The following AKAP6 variants were observed in gnomAD, a reference collection of about 807,000 sequenced individuals.
AKAP6 encodes A-kinase anchor protein 6.
AKAP6 carries 58 observed loss-of-function variants against 188.5 expected under a neutral mutation model. That is an observed-to-expected ratio of 0.31 (90% CI 0.25 to 0.38). AKAP6 has a LOEUF of 0.38. Ranked by LOEUF, AKAP6 falls within the 10% of genes least tolerant of loss-of-function variation. The pLI, the probability that AKAP6 is intolerant of heterozygous loss-of-function variation, is 1.00. For missense variants in AKAP6, 2,710 were observed against 2,740.0 expected (o/e 0.99, Z 0.24); for synonymous variants, 989 against 998.6 (o/e 0.99, Z 0.18).
At chr14:32,640,919 G>A (rs1027750668) in intron 7 of AKAP6, among the ~76,000 whole-genome samples, 3 of 152,146 alleles carry the variant, frequency 2.0e-5, no homozygotes, top group Non-Finnish European at 2.9e-5. Flanking sequence ...AAATACATAA[G>A]TGAGGAATCA....
chr14:32,695,357 A>G (rs1166063459), intron 8 of AKAP6, among the ~76,000 whole-genome samples: 1 of 152,166 alleles, frequency 6.6e-6, no homozygotes, highest in Non-Finnish European at 1.5e-5. Context: ...TAAATGTAGG[A>G]TATATGTTTG....
intron 2 of AKAP6, among the ~76,000 whole-genome samples, chr14:32,529,373 T>C (rs562838558): frequency 1.2e-4 from 18 of 152,298 alleles, no homozygotes; most frequent in African/African-American, 3.8e-4. Flanking sequence ...ACTTTTTTTT[T>C]CCATCCTGTC....
At chr14:32,474,647 G>C (rs1460188870) in intron 2 of AKAP6, 1 of 152,358 alleles carries the variant, frequency 6.6e-6, no homozygotes, top group Non-Finnish European at 1.5e-5. Flanking sequence ...AATAGGGATT[G>C]AATCTTGCAG....
At chr14:32,784,618 A>G (rs2033348074) in intron 12 of AKAP6, among the ~76,000 whole-genome samples, 1 of 152,182 alleles carries the variant, frequency 6.6e-6, no homozygotes, top group Non-Finnish European at 1.5e-5. Flanking sequence ...CTGTTGTATT[A>G]CTTGCTAACA....
At chr14:32,629,657 G>C (rs1261138619) in intron 7 of AKAP6, among the ~76,000 whole-genome samples, 1 of 148,750 alleles carries the variant, frequency 6.7e-6, no homozygotes, top group Non-Finnish European at 1.5e-5. Context: ...AAGTTCAAGT[G>C]AAGCTAATTG....
At chr14:32,745,505 C>G (rs950617752) in intron 11 of AKAP6, among the ~76,000 whole-genome samples, 187 of 147,658 alleles carry the variant, frequency 1.3e-3, no homozygotes, top group African/African-American at 4.5e-3. Flanking sequence ...CTGTCTCTCT[C>G]TCTCTCTCTC....
At chr14:32,574,006 G>C (rs1403354609) in intron 4 of AKAP6, among the ~76,000 whole-genome samples, 2 of 152,132 alleles carry the variant, frequency 1.3e-5, no homozygotes, top group Non-Finnish European at 2.9e-5. Context: ...TGGAAAAATA[G>C]CATGTGATAA....
At chr14:32,330,131 TCTC>T (rs772316531) in intron 1 of AKAP6, among the ~76,000 whole-genome samples, 11 of 152,016 alleles carry the variant, frequency 7.2e-5, no homozygotes, top group Non-Finnish European at 1.5e-4. Context: ...AAGGAACAAG[TCTC>T]CTCTCTGCGG....
chr14:32,423,842 C>G (rs1889939817), intron 1 of AKAP6, among the ~76,000 whole-genome samples: 1 of 151,948 alleles, frequency 6.6e-6, no homozygotes, highest in Non-Finnish European at 1.5e-5. Flanking sequence ...ATGAAATGAT[C>G]CTTAAAATTT....
chr14:32,353,844 A>AAT (rs781387266), intron 1 of AKAP6, among the ~76,000 whole-genome samples: 146 of 152,214 alleles, frequency 9.6e-4, no homozygotes, highest in Non-Finnish European at 9.4e-4. Context: ...ATCATGAGTG[A>AAT]ATTCCCATTC....
At chr14:32,590,527 A>G (rs889950637) in intron 5 of AKAP6, among the ~76,000 whole-genome samples, 1 of 152,180 alleles carries the variant, frequency 6.6e-6, no homozygotes, top group African/African-American at 2.4e-5. Context: ...CAGTGTTAGA[A>G]TCACTGTGGG....
At position 32,469,828 on chromosome 14, in the gene AKAP6, T is replaced by G. The variant is rs1281488619; in HGVS notation, c.324+36011T>G. Among the ~76,000 whole-genome samples the G allele has an allele frequency of 2.6e-5, 4 of 152,104 alleles. No individual in the cohort carries two copies. The East Asian group carries it at 5.8e-4, about 22-fold the overall frequency. On this transcript the variant is annotated intron_variant, in intron 2 of 13. Coordinates refer to ENST00000280979, the MANE Select transcript of AKAP6 (RefSeq NM_004274.5). ...TTATGTCTGTTTCCAAAATGAAAGA[T>G]TATGCCTTCAGTTACCTAAAGATCA...
chr14:32,593,486 C>G (rs1372812078), intron 5 of AKAP6, among the ~76,000 whole-genome samples: 3 of 152,084 alleles, frequency 2.0e-5, no homozygotes, highest in Non-Finnish European at 4.4e-5. Context: ...AAGAGACTTC[C>G]CTTGAGGTGG....
intron 1 of AKAP6, among the ~76,000 whole-genome samples, chr14:32,368,860 T>C (rs974582988): frequency 6.7e-6 from 1 of 149,340 alleles, no homozygotes; most frequent in Non-Finnish European, 1.5e-5. Context: ...ACTTATAGTT[T>C]AGTGGATATT....
At chr14:32,419,799 G>T (rs1027816167) in intron 1 of AKAP6, among the ~76,000 whole-genome samples, 2 of 151,732 alleles carry the variant, frequency 1.3e-5, no homozygotes, top group African/African-American at 4.8e-5. Context: ...TTTAGGAGTG[G>T]ATAGACACAA....
At chr14:32,560,846 T>C (rs1048036939) in intron 4 of AKAP6, among the ~76,000 whole-genome samples, 3 of 152,184 alleles carry the variant, frequency 2.0e-5, no homozygotes, top group African/African-American at 4.8e-5. Context: ...AAAATAACAA[T>C]TTAAATACAA....
chr14:32,638,782 A>G lies in AKAP6; in HGVS notation c.2730+37990A>G, dbSNP rs184605010. 1.2e-3 allele frequency among the ~76,000 whole-genome samples: 177 copies of G among 152,058 alleles called. 4 individuals carry two copies. In the East Asian group the frequency reaches 0.023, roughly 20 times the overall value. ...ATAGAATGAACAGAACCTGGTTCCTACTCCTAAGATTGTTATAGATAAGAA... is the reference window on the plus strand; with the variant it reads ...ATAGAATGAACAGAACCTGGTTCCTGCTCCTAAGATTGTTATAGATAAGAA... On this transcript the variant is annotated intron_variant, in intron 7 of 13. Coordinates refer to ENST00000280979, the MANE Select transcript of AKAP6 (RefSeq NM_004274.5).
intron 9 of AKAP6, among the ~76,000 whole-genome samples, chr14:32,730,266 T>C (rs1236489950): frequency 6.6e-6 from 1 of 152,170 alleles, no homozygotes; most frequent in African/African-American, 2.4e-5. Flanking sequence ...TTGAAGGCAT[T>C]GTCCATCAAT....
At chr14:32,579,000 T>G (rs1328225732) in intron 5 of AKAP6, among the ~76,000 whole-genome samples, 1 of 152,174 alleles carries the variant, frequency 6.6e-6, no homozygotes, top group Non-Finnish European at 1.5e-5. Context: ...TATTGCCCTC[T>G]CCTATGTGGG....
Sources: gnomAD v4.1 joint callset for allele counts (sites outside exome capture counted in the v4.1 genomes callset) on GRCh38, gnomAD v4.1.1 for gene constraint, MANE v1.5 for transcripts, NCBI Gene and HGNC (gene_info 2026-07-23, HGNC 2026-07-21) for gene names.